GRID1: variants seen among roughly 807,000 people sequenced by gnomAD.
The protein encoded by GRID1 is glutamate receptor ionotropic, delta-1.
In GRID1, 28 loss-of-function variants were observed where a neutral mutation model predicts 98.0. The observed-to-expected ratio is 0.29, with a 90% CI of 0.21 to 0.39. The LOEUF is 0.39. Ranked by LOEUF, GRID1 falls within the 10% of genes least tolerant of loss-of-function variation. The pLI, the probability that GRID1 is intolerant of heterozygous loss-of-function variation, is 1.00. For missense variants in GRID1, 1,111 were observed against 1,340.5 expected (o/e 0.83, Z 2.67); for synonymous variants, 553 against 538.5 (o/e 1.03, Z -0.37).
intron 12 of GRID1, among the ~76,000 whole-genome samples, chr10:85,676,787 G>A (rs1173764971): frequency 1.3e-5 from 2 of 152,152 alleles, no homozygotes; most frequent in African/African-American, 2.4e-5. Flanking sequence ...TTATTTGCAC[G>A]TCAACATTTC....
intron 2 of GRID1, among the ~76,000 whole-genome samples, chr10:86,240,169 A>T (rs551936887): frequency 6.6e-6 from 1 of 152,326 alleles, no homozygotes; most frequent in South Asian, 2.1e-4. Flanking sequence ...TTGTTATGGA[A>T]GCCCCAGGAA....
At chr10:85,869,757 C>T (rs956218966) in intron 5 of GRID1, among the ~76,000 whole-genome samples, 12 of 152,108 alleles carry the variant, frequency 7.9e-5, no homozygotes, top group African/African-American at 7.2e-5. Flanking sequence ...AAAATCAGGC[C>T]CTATCCTGTC....
intron 5 of GRID1, among the ~76,000 whole-genome samples, chr10:85,892,110 C>G (rs570894244): frequency 1.3e-5 from 2 of 150,622 alleles, no homozygotes; most frequent in East Asian, 1.9e-4. Flanking sequence ...GAAAAATACA[C>G]TGGATAAAAT....
intron 2 of GRID1, among the ~76,000 whole-genome samples, chr10:86,228,289 G>C (rs76003697): frequency 0.027 from 3,811 of 142,838 alleles, 94 homozygotes; most frequent in Non-Finnish European, 0.039. Flanking sequence ...AGTGAATGGG[G>C]GTGGCTTGGT....
At chr10:85,847,263 T>C (rs1843015264) in intron 8 of GRID1, among the ~76,000 whole-genome samples, 2 of 152,188 alleles carry the variant, frequency 1.3e-5, no homozygotes, top group African/African-American at 2.4e-5. Flanking sequence ...TCTGAAATTA[T>C]GAGAAAAATT....
chr10:85,747,140 A>C (rs961521824), intron 8 of GRID1, among the ~76,000 whole-genome samples: 9 of 152,158 alleles, frequency 5.9e-5, no homozygotes, highest in African/African-American at 1.4e-4. Context: ...CAGAACGGTT[A>C]GGTGATTTGT....
intron 12 of GRID1, among the ~76,000 whole-genome samples, chr10:85,714,483 G>A (rs1040973582): frequency 4.6e-5 from 7 of 151,926 alleles, no homozygotes; most frequent in Non-Finnish European, 8.8e-5. Context: ...CAGATGACGT[G>A]ATCTATAAAG....
chr10:86,227,635 C>T (rs57299030), intron 2 of GRID1, among the ~76,000 whole-genome samples: 43,189 of 151,790 alleles, frequency 0.28, 6,985 homozygotes, highest in Non-Finnish European at 0.38. Flanking sequence ...CTCTGCTGTC[C>T]TTCCTCACAC....
chr10:86,037,683 G>A (rs988843235), intron 4 of GRID1, among the ~76,000 whole-genome samples: 7 of 151,862 alleles, frequency 4.6e-5, no homozygotes, highest in African/African-American at 1.7e-4. Context: ...TATCTTTGAG[G>A]AATAACCAAG....
chr10:85,967,797 A>G (rs184667350), intron 4 of GRID1, among the ~76,000 whole-genome samples: 1 of 152,196 alleles, frequency 6.6e-6, no homozygotes, highest in Non-Finnish European at 1.5e-5. Context: ...CTCATCACTG[A>G]TGAGGAATAA....
intron 4 of GRID1, among the ~76,000 whole-genome samples, chr10:86,057,859 G>A (rs1001370669): frequency 1.3e-5 from 2 of 152,200 alleles, no homozygotes; most frequent in Non-Finnish European, 2.9e-5. Context: ...GTAAACCCCA[G>A]GAGAGTAGGA....
At chr10:85,853,687 C>A (rs1467444141) in intron 8 of GRID1, among the ~76,000 whole-genome samples, 3 of 152,180 alleles carry the variant, frequency 2.0e-5, no homozygotes, top group African/African-American at 4.8e-5. Flanking sequence ...ACCATCAGCT[C>A]CACATTGGCT....
chr10:86,099,279 C>A (rs924519563), intron 4 of GRID1, among the ~76,000 whole-genome samples: 6 of 152,216 alleles, frequency 3.9e-5, no homozygotes, highest in Non-Finnish European at 8.8e-5. Flanking sequence ...GGGTGCTGAG[C>A]ACCCTGCCCA....
At chr10:86,089,977 C>T (rs939932822) in intron 4 of GRID1, among the ~76,000 whole-genome samples, 2 of 152,096 alleles carry the variant, frequency 1.3e-5, no homozygotes, top group African/African-American at 4.8e-5. Context: ...GAACTCCTGA[C>T]CTCAGGTGAT....
At chr10:85,947,330 G>T (rs1454411971) in intron 4 of GRID1, among the ~76,000 whole-genome samples, 1 of 152,242 alleles carries the variant, frequency 6.6e-6, no homozygotes, top group Non-Finnish European at 1.5e-5. Flanking sequence ...CGGAGCCTGG[G>T]ACTGGAGGTG....
intron 2 of GRID1, among the ~76,000 whole-genome samples, chr10:86,296,850 T>G (rs997077114): frequency 6.6e-6 from 1 of 152,076 alleles, no homozygotes; most frequent in Non-Finnish European, 1.5e-5. Context: ...ATTATTCTAC[T>G]GTATTCTACA....
chr10:86,253,156 C>G (rs1244392939), intron 2 of GRID1, among the ~76,000 whole-genome samples: 1 of 152,212 alleles, frequency 6.6e-6, no homozygotes, highest in Non-Finnish European at 1.5e-5. Flanking sequence ...CTATAGAAAC[C>G]AGGGACATCA....
intron 2 of GRID1, among the ~76,000 whole-genome samples, chr10:86,232,429 A>G (rs892961818): frequency 1.3e-5 from 2 of 152,218 alleles, no homozygotes; most frequent in Non-Finnish European, 2.9e-5. Flanking sequence ...CACAAGCCCA[A>G]GACTGCACTG....
At chr10:85,705,442 C>T (rs888297320) in intron 12 of GRID1, among the ~76,000 whole-genome samples, 1 of 152,052 alleles carries the variant, frequency 6.6e-6, no homozygotes, top group South Asian at 2.1e-4. Flanking sequence ...CCAATAACAG[C>T]CTCTGAAATT....
Sources: gnomAD v4.1 joint callset for allele counts (sites outside exome capture counted in the v4.1 genomes callset) on GRCh38, gnomAD v4.1.1 for gene constraint, MANE v1.5 for transcripts, NCBI Gene and HGNC (gene_info 2026-07-23, HGNC 2026-07-21) for gene names.